The following CT45A10 variants were observed in gnomAD, a reference collection of about 807,000 sequenced individuals.
CT45A10 encodes the protein cancer/testis antigen family 45 member A10.
In CT45A10, 19 loss-of-function variants were observed where a neutral mutation model predicts 8.3. The observed-to-expected ratio is 2.30, with a 90% confidence interval of 1.61 to 3.38. The LOEUF is 3.38. CT45A10 is among the 30% of genes most tolerant of loss of function. The probability of loss-of-function intolerance (pLI) is 0.00; values close to 1 mark genes in which losing one functional copy is unlikely to be tolerated. For missense variants in CT45A10, 149 were observed against 85.9 expected, an observed-to-expected ratio of 1.73 and a Z score of -2.90; for synonymous variants, 28 against 26.5, an observed-to-expected ratio of 1.06 and a Z score of -0.17.
intron 1 of CT45A10, chrX:135,889,370 T>G (rs1340081073): frequency 9.2e-6 from 1 of 108,547 alleles, no homozygotes; most frequent in African/African-American, 3.4e-5. Context: ...TCCCAACTAC[T>G]CGGGAAGTTG....
At position 135,883,167 on chromosome X, in the gene CT45A10, T is replaced by C; in HGVS notation, c.259A>G (p.Lys87Glu). The C allele has an allele frequency of 1.7e-6, 2 of 1,198,745 alleles. No homozygotes were observed. Among genetic ancestry groups the C allele is most frequent in the Non-Finnish European group, 2.3e-6 (2 of 885,924 alleles). ...CCCACAGGTGCATTGCTACCAGGTT[T>C]CTGCATCATCCCATCTTTGCTGAAA... is the stretch of plus-strand genomic sequence containing the variant. Reference protein sequence around the residue: ...TGFSKDGMMQKPGSNAPVGGN... With the variant: ...TGFSKDGMMQEPGSNAPVGGN... The change falls in exon 3 of 5, where the codon AAA (lysine) becomes GAA (glutamate). Residue 87 changes from lysine to glutamate, a missense_variant. Coordinates refer to ENST00000682849, the MANE Select transcript of CT45A10 (RefSeq NM_001291529.2).
In CT45A10 at chrX:135,883,249, C is replaced by G. The variant is rs1325019150; in HGVS notation, c.177G>C (p.Met59Ile). 2 of 1,194,881 alleles carry G rather than the reference C, an allele frequency of 1.7e-6. No homozygotes were observed. Among genetic ancestry groups the G allele is most frequent in the African/African-American group, 3.6e-5 (2 of 56,218 alleles). The change falls in exon 3 of 5, where the codon ATG becomes ATC. Residue 59 changes from methionine to isoleucine, a missense_variant. Coordinates refer to ENST00000682849, the MANE Select transcript of CT45A10 (RefSeq NM_001291529.2). ...GGCTGGGTGGAATAGCATGTCCTGT[C>G]ATAAGCTCTGGTGAAACAAATTTTG... ...GSAMSKEKKL[M>I]TGHAIPPSQL...
intron 2 of CT45A10, 70 bp from the exon 3 acceptor site, chrX:135,883,326 C>A (rs2088410360): frequency 8.4e-7 from 1 of 1,191,000 alleles, no homozygotes; most frequent in South Asian, 1.8e-5. Flanking sequence ...TCCACATAAA[C>A]CTCATGAATG....
At chrX:135,892,883 A>T (rs1195646802) in intron 1 of CT45A10, among the ~76,000 whole-genome samples, 1 of 109,889 alleles carries the variant, frequency 9.1e-6, no homozygotes, top group African/African-American at 3.3e-5. Context: ...GTGACCCCAT[A>T]GGGCTGTGAT....
intron 1 of CT45A10, among the ~76,000 whole-genome samples, chrX:135,892,251 A>G (rs1401380260): frequency 9.0e-6 from 1 of 111,285 alleles, no homozygotes; most frequent in Non-Finnish European, 1.9e-5. Context: ...AGCCCAAAAA[A>G]CAATCAAAAA....
chrX:135,890,218 C>G lies in CT45A10; in HGVS notation c.-7+3127G>C, dbSNP rs142903627. ...TGAGGAGTTTTGTCTGCGGCTCATC[C>G]TGCTACATTTCTTGGTTTCCTGATT... On this transcript the variant is annotated intron_variant, in intron 1 of 4. Coordinates refer to ENST00000682849, the MANE Select transcript of CT45A10 (RefSeq NM_001291529.2). 4.6e-3 allele frequency among the ~76,000 whole-genome samples: 521 copies of G among 112,634 alleles called. 4 individuals are homozygous for G. The highest frequency in any genetic ancestry group is 0.016 in the African/African-American group (487 of 31,023).
intron 2 of CT45A10, among the ~76,000 whole-genome samples, chrX:135,883,740 A>C (rs1453150245): frequency 1.4e-5 from 1 of 71,833 alleles, no homozygotes; most frequent in African/African-American, 5.2e-5. Context: ...GATACAACTC[A>C]ACCGGTCTCC....
At chrX:135,892,164 A>G (rs1216843326) in intron 1 of CT45A10, among the ~76,000 whole-genome samples, 1 of 111,624 alleles carries the variant, frequency 9.0e-6, no homozygotes, top group Non-Finnish European at 1.9e-5. Flanking sequence ...CTACTAAAAA[A>G]TACAAAGATT....
chrX:135,890,501 G>A (rs782346710), intron 1 of CT45A10, among the ~76,000 whole-genome samples: 1 of 112,309 alleles, frequency 8.9e-6, no homozygotes, highest in Non-Finnish European at 1.9e-5. Flanking sequence ...GGAACTTGCC[G>A]ACTCCATTTG....
chrX:135,889,968 GA>G (rs1382437983), intron 1 of CT45A10, among the ~76,000 whole-genome samples: 3 of 111,723 alleles, frequency 2.7e-5, no homozygotes, highest in African/African-American at 9.8e-5. Flanking sequence ...GACACTGTAT[GA>G]AAAAAAGCAT....
chrX:135,883,379 G>A lies in CT45A10; in HGVS notation c.170-123C>T, dbSNP rs1344727362. On this transcript the variant is annotated intron_variant, in intron 2 of 4. Coordinates refer to ENST00000682849, the MANE Select transcript of CT45A10 (RefSeq NM_001291529.2). ...ACTGAGAAGTTGAGCTGTGAGATAC[G>A]TGTGTTTCATCACCCCTCTGGGTAC... 3.1e-5 allele frequency: 35 copies of A among 1,142,018 alleles called. 2 individuals carry two copies. Among genetic ancestry groups the A allele is most frequent in the Admixed American group, 9.1e-5 (4 of 43,958 alleles). The allele number at this position is 1,142,018 out of a possible 1,213,427, so 94.1% of individuals were successfully genotyped here. A position where few individuals can be genotyped will look rare whatever the true frequency, so the allele number is the denominator to read the frequency against.
chrX:135,891,836 T>C (rs1556590160), intron 1 of CT45A10, among the ~76,000 whole-genome samples: 1 of 111,668 alleles, frequency 9.0e-6, no homozygotes, highest in African/African-American at 3.3e-5. Context: ...TGTATATGTA[T>C]TTTAATACAT....
chrX:135,883,007 C>G lies in CT45A10; in HGVS notation c.418+1G>C, dbSNP rs1362255538. 1.8e-5 allele frequency: 21 copies of G among 1,198,119 alleles called. 1 individual carries two copies. Among genetic ancestry groups the G allele is most frequent in the Middle Eastern group, 2.3e-4 (1 of 4,293 alleles). On this transcript the variant is annotated splice_donor_variant, in intron 3 of 4. Coordinates refer to ENST00000682849, the MANE Select transcript of CT45A10 (RefSeq NM_001291529.2). LOFTEE classifies it high-confidence loss of function. ...AAAACAGACGTTCTTACACTACTTA[C>G]TTCGTCCAAGGCATCGGATTTCCTT...
At position 135,889,193 on chromosome X, in the gene CT45A10, C is replaced by T. The variant is rs2088471835; in HGVS notation, c.-6-3843G>A. 3 of 397,747 alleles carry T rather than the reference C, an allele frequency of 7.5e-6. No homozygotes were observed. The South Asian group carries it at 3.9e-4, about 52-fold the overall frequency. 32.8% of individuals were successfully genotyped at this position (397,747 alleles called of 1,213,427 possible). On this transcript the variant is annotated intron_variant, in intron 1 of 4. Transcript: ENST00000682849. ...GACTCTGGCGCCCTCTGCAGGCGAC[C>T]TTCAGTAACAACTGCACAGCAACAT...
chrX:135,890,464 A>G (rs781895470), intron 1 of CT45A10, among the ~76,000 whole-genome samples: 1 of 112,673 alleles, frequency 8.9e-6, no homozygotes, highest in South Asian at 3.7e-4. Context: ...AAGTCTGGAC[A>G]TCTAAAACTT....
chrX:135,883,179 C>T lies in CT45A10; in HGVS notation c.247G>A (p.Gly83Arg), dbSNP rs1416518000. ...IDDFTGFSKD[G>R]MMQKPGSNAP... ...TTGCTACCAGGTTTCTGCATCATCC[C>T]ATCTTTGCTGAAACCAGTGAAGTCA... The change falls in exon 3 of 5, where the codon GGG (glycine) becomes AGG (arginine). Residue 83 changes from glycine (G) to arginine (R), a missense_variant. Coordinates refer to ENST00000682849, the MANE Select transcript of CT45A10 (RefSeq NM_001291529.2). The T allele has an allele frequency of 0.022, 26,157 of 1,196,464 alleles. 778 individuals are homozygous for T. The highest frequency in any genetic ancestry group is 0.026 in the Non-Finnish European group (22,705 of 885,494).
Position 135,882,612 on chromosome X carries a change from C to G in CT45A10, c.436G>C (p.Glu146Gln). ...GGTCCTTGCACTCCTTCAAGCATTT[C>G]GAAGATTTTTTCATATTCTGAAGAT... The part of the protein sequence containing the change: ...CLGRKYEKIF[E>Q]MLEGVQGPTA... The change falls in exon 4 of 5, where the codon GAA (glutamate) becomes CAA (glutamine). Residue 146 changes from glutamate to glutamine, a missense_variant. Physicochemically the swap from Glu to Gln is conservative, Grantham distance 29. Transcript: ENST00000682849. 3 of 1,161,707 alleles carry G rather than the reference C, an allele frequency of 2.6e-6. No individual in the cohort carries two copies. The highest frequency in any genetic ancestry group is 3.5e-6 in the Non-Finnish European group (3 of 869,412).
chrX:135,889,763 T>C (rs2088481807), intron 1 of CT45A10, among the ~76,000 whole-genome samples: 4 of 107,851 alleles, frequency 3.7e-5, no homozygotes, highest in Admixed American at 2.0e-4. Context: ...CTACTACTCC[T>C]GCTGCCCTCC....
intron 1 of CT45A10, among the ~76,000 whole-genome samples, chrX:135,892,882 T>C (rs962317756): frequency 9.2e-6 from 1 of 108,837 alleles, no homozygotes. Context: ...AGTGACCCCA[T>C]AGGGCTGTGA....
Sources: allele counts gnomAD v4.1 joint callset (sites outside exome capture counted in the v4.1 genomes callset), GRCh38; gene constraint gnomAD v4.1.1; transcripts MANE v1.5; gene names NCBI Gene and HGNC (gene_info 2026-07-23, HGNC 2026-07-21).